Variants in COL22A1 observed in about 807,000 individuals in gnomAD.
The protein encoded by COL22A1 is collagen alpha-1(XXII) chain.
A neutral mutation model predicts 248.9 loss-of-function variants in COL22A1; 221 were observed. The observed-to-expected ratio is 0.89, with a 90% confidence interval of 0.80 to 0.99. The LOEUF (loss-of-function observed/expected upper bound fraction) is 0.99. Among genes scored for constraint, COL22A1 ranks in the 50% least tolerant of loss-of-function variants. COL22A1 has a pLI of 0.00. For missense variants in COL22A1, 2,240 were observed against 2,179.0 expected (o/e 1.03, Z -0.56); for synonymous variants, 891 against 793.4 (o/e 1.12, Z -2.07).
intron 41 of COL22A1, among the ~76,000 whole-genome samples, chr8:138,666,966 A>C (rs141875503): frequency 8.7e-4 from 132 of 152,332 alleles, no homozygotes; most frequent in African/African-American, 3.2e-3. Context: ...TGTAATACAA[A>C]TCTAGAGTAT....
At chr8:138,765,171 G>A (rs1027694678) in intron 16 of COL22A1, among the ~76,000 whole-genome samples, 4 of 152,156 alleles carry the variant, frequency 2.6e-5, no homozygotes, top group African/African-American at 4.8e-5. Context: ...CACCCCAGCT[G>A]GGTGTGCTGG....
chr8:138,806,842 TG>T (rs1313534783), intron 10 of COL22A1, among the ~76,000 whole-genome samples: 4 of 152,106 alleles, frequency 2.6e-5, no homozygotes, highest in Non-Finnish European at 4.4e-5. Context: ...TGGAACAGGA[TG>T]GAAGATGGGA....
intron 4 of COL22A1, among the ~76,000 whole-genome samples, chr8:138,841,900 C>A (rs554719808): frequency 5.3e-5 from 8 of 152,168 alleles, no homozygotes; most frequent in Non-Finnish European, 1.5e-5. Context: ...AATATTGCAA[C>A]GCAGCCTATT....
chr8:138,884,705 C>T (rs750606466), intron 1 of COL22A1, among the ~76,000 whole-genome samples: 1 of 152,092 alleles, frequency 6.6e-6, no homozygotes, highest in African/African-American at 2.4e-5. Flanking sequence ...CTTGGAGTCA[C>T]GTGCCACCAC....
rs73362881 is a variant in COL22A1, at chr8:138,794,608, C to T, written c.1596+2211G>A. Among the ~76,000 whole-genome samples, 935 of 152,074 alleles carry T rather than the reference C, an allele frequency of 6.1e-3. 7 individuals are homozygous for T. Among genetic ancestry groups the T allele is most frequent in the African/African-American group, 0.022 (915 of 41,482 alleles). ...ACAGCAGCATAATTCATGATAGCCA[C>T]GATATGGAAACAACTTAGATGTCCA... On this transcript the variant is annotated intron_variant, in intron 12 of 64. Coordinates refer to ENST00000303045, the MANE Select transcript of COL22A1 (RefSeq NM_152888.3).
At chr8:138,763,492 C>A (rs1014705716) in intron 16 of COL22A1, among the ~76,000 whole-genome samples, 4 of 152,164 alleles carry the variant, frequency 2.6e-5, no homozygotes, top group African/African-American at 9.7e-5. Context: ...TAGCTGTGCC[C>A]TGGTTTTCTT....
chr8:138,821,336 C>T lies in COL22A1; in HGVS notation c.1045G>A (p.Val349Met), dbSNP rs1270417501. 25 of 1,614,190 alleles carry T rather than the reference C, an allele frequency of 1.5e-5. No homozygotes were observed. Among genetic ancestry groups the T allele is most frequent in the Non-Finnish European group, 2.1e-5 (25 of 1,180,038 alleles). ...AVGAMKDAVR[V>M]VFRGSRVNDL... The stretch of plus-strand genomic sequence containing the variant: ...TTGACCCGAGAACCTCGGAAGACCA[C>T]CCTGACAGCATCTTTCATGGCACCC... Residue 349 changes from valine (V) to methionine (M), a missense_variant, in exon 7 of 65, where the codon GTG (valine) becomes ATG (methionine). Transcript: ENST00000303045.
At chr8:138,808,294 T>C (rs927026370) in intron 9 of COL22A1, among the ~76,000 whole-genome samples, 9 of 152,192 alleles carry the variant, frequency 5.9e-5, no homozygotes, top group Non-Finnish European at 1.0e-4. Context: ...ATTGTATACA[T>C]GTATTATGAC....
At chr8:138,746,584 G>C (rs1369596003) in intron 22 of COL22A1, among the ~76,000 whole-genome samples, 1 of 152,140 alleles carries the variant, frequency 6.6e-6, no homozygotes, top group African/African-American at 2.4e-5. Flanking sequence ...ATGACTGAAA[G>C]GCCATGGGGC....
intron 30 of COL22A1, among the ~76,000 whole-genome samples, chr8:138,704,537 AC>A (rs200259759): frequency 0.043 from 6,616 of 152,190 alleles, 192 homozygotes; most frequent in East Asian, 0.12. Context: ...CCTCCAGAAA[AC>A]TTCAACAGAC....
intron 3 of COL22A1, among the ~76,000 whole-genome samples, chr8:138,853,268 C>G (rs1821774780): frequency 6.6e-6 from 1 of 152,212 alleles, no homozygotes; most frequent in Non-Finnish European, 1.5e-5. Context: ...GGAGCAGGTT[C>G]AGGGAGAATG....
intron 1 of COL22A1, among the ~76,000 whole-genome samples, chr8:138,902,297 A>G (rs1400561625): frequency 6.6e-6 from 1 of 152,174 alleles, no homozygotes; most frequent in East Asian, 1.9e-4. Flanking sequence ...AAAAAGAGAG[A>G]GGAACAGAGA....
In COL22A1 at chr8:138,910,181, T is replaced by C. The variant is rs143455974; in HGVS notation, c.-73+3438A>G. Among the ~76,000 whole-genome samples the C allele has an allele frequency of 1.5e-3, 227 of 152,348 alleles. 1 individual carries two copies. Among genetic ancestry groups the C allele is most frequent in the African/African-American group, 4.4e-3 (184 of 41,584 alleles). ...AATTATTCATTCATGTAGCCATGTA[T>C]TCACTCACTCATTGATTCAACAAAC... On this transcript the variant is annotated intron_variant, in intron 1 of 64. Transcript: ENST00000303045.
intron 23 of COL22A1, among the ~76,000 whole-genome samples, chr8:138,728,485 G>A (rs1348307268): frequency 1.3e-5 from 2 of 152,056 alleles, no homozygotes; most frequent in Non-Finnish European, 2.9e-5. Context: ...GATGACCTCT[G>A]GAGTGTTTTA....
intron 12 of COL22A1, among the ~76,000 whole-genome samples, chr8:138,782,097 A>T (rs1815064489): frequency 6.6e-6 from 1 of 152,274 alleles, no homozygotes; most frequent in Non-Finnish European, 1.5e-5. Flanking sequence ...AGTGCCTTCC[A>T]TGGCCTCAAC....
rs138965921 is a variant in COL22A1 at position 138,726,272 on chromosome 8, A to T, written c.2140-832T>A. Among the ~76,000 whole-genome samples the T allele has an allele frequency of 2.1e-3, 325 of 152,144 alleles. 1 individual carries two copies. The highest frequency in any genetic ancestry group is 7.5e-3 in the African/African-American group (312 of 41,504). ...TTTGGAAGGCTGAGGCAAAAGGATC[A>T]CTACAGGCCAGGAGTTTGAGACTAG... On this transcript the variant is annotated intron_variant, in intron 23 of 64. Coordinates refer to ENST00000303045, the MANE Select transcript of COL22A1 (RefSeq NM_152888.3).
At chr8:138,884,674 G>A (rs900002256) in intron 1 of COL22A1, among the ~76,000 whole-genome samples, 5 of 152,100 alleles carry the variant, frequency 3.3e-5, no homozygotes, top group Non-Finnish European at 7.3e-5. Flanking sequence ...GACATCCTAC[G>A]AACTGGCATG....
intron 12 of COL22A1, among the ~76,000 whole-genome samples, chr8:138,789,377 T>C (rs1349934066): frequency 6.6e-6 from 1 of 152,184 alleles, no homozygotes; most frequent in Non-Finnish European, 1.5e-5. Context: ...TCAACCACAG[T>C]TATCCAACTC....
chr8:138,895,318 A>G (rs1005416660), intron 1 of COL22A1, among the ~76,000 whole-genome samples: 1 of 152,196 alleles, frequency 6.6e-6, no homozygotes, highest in African/African-American at 2.4e-5. Context: ...AGAAAATTCA[A>G]TCAACTGATT....
Sources: gnomAD v4.1 joint callset for allele counts (sites outside exome capture counted in the v4.1 genomes callset) on GRCh38, gnomAD v4.1.1 for gene constraint, MANE v1.5 for transcripts, NCBI Gene and HGNC (gene_info 2026-07-23, HGNC 2026-07-21) for gene names.